SNX13: variants seen among roughly 807,000 people sequenced by gnomAD.
SNX13 encodes sorting nexin 13, also known as sorting nexin-13.
SNX13 carries 45 observed loss-of-function variants against 133.6 expected under a neutral mutation model. The observed-to-expected ratio is 0.34, with a 90% CI of 0.27 to 0.43. SNX13 has a LOEUF of 0.43. SNX13 is among the 20% of genes least tolerant of loss of function. The probability of loss-of-function intolerance (pLI) is 1.00; values close to 1 mark genes in which losing one functional copy is unlikely to be tolerated. For missense variants in SNX13, 1,032 were observed against 1,145.1 expected, an observed-to-expected ratio of 0.90 and a Z score of 1.43; for synonymous variants, 414 against 373.9, an observed-to-expected ratio of 1.11 and a Z score of -1.24.
intron 22 of SNX13, among the ~76,000 whole-genome samples, chr7:17,800,160 T>C (rs1171236508): frequency 1.3e-5 from 2 of 151,690 alleles, no homozygotes; most frequent in Non-Finnish European, 3.0e-5. Context: ...ATCTAATAAA[T>C]AGCTAAACTG....
At chr7:17,823,888 T>C (rs1014325733) in intron 17 of SNX13, among the ~76,000 whole-genome samples, 2 of 151,728 alleles carry the variant, frequency 1.3e-5, no homozygotes, top group South Asian at 2.1e-4. Flanking sequence ...GTAAGGAGAA[T>C]AGCAAGGAAC....
chr7:17,830,539 T>G, intron 15 of SNX13: 2 of 983,998 alleles, frequency 2.0e-6, no homozygotes, highest in Non-Finnish European at 2.4e-6. Context: ...TGGTGGTAGA[T>G]TATCTTGAAA....
At chr7:17,818,458 A>C (rs1786921342) in intron 18 of SNX13, among the ~76,000 whole-genome samples, 1 of 152,204 alleles carries the variant, frequency 6.6e-6, no homozygotes, top group Non-Finnish European at 1.5e-5. Context: ...AATCACTAAC[A>C]GTTTTCTCAA....
At chr7:17,863,207 C>A (rs952368614) in intron 9 of SNX13, among the ~76,000 whole-genome samples, 2 of 152,118 alleles carry the variant, frequency 1.3e-5, no homozygotes, top group Non-Finnish European at 2.9e-5. Flanking sequence ...CTTGCGCTGA[C>A]TGACATGGCC....
chr7:17,843,320 T>A (rs1790123678), intron 12 of SNX13, among the ~76,000 whole-genome samples: 1 of 151,988 alleles, frequency 6.6e-6, no homozygotes, highest in African/African-American at 2.4e-5. Flanking sequence ...AAATCAAAAA[T>A]GGTTAAGATG....
intron 12 of SNX13, among the ~76,000 whole-genome samples, chr7:17,841,923 G>T (rs559154377): frequency 3.3e-5 from 5 of 152,010 alleles, no homozygotes; most frequent in Admixed American, 6.6e-5. Flanking sequence ...ATCAGCAAAT[G>T]TAAGGATAGA....
intron 1 of SNX13, among the ~76,000 whole-genome samples, chr7:17,933,726 T>C (rs1425608265): frequency 6.7e-6 from 1 of 149,116 alleles, no homozygotes; most frequent in African/African-American, 2.5e-5. Flanking sequence ...CACCCACCTA[T>C]CCACCAAGAA....
chr7:17,800,768 A>G (rs1784524919), intron 22 of SNX13, among the ~76,000 whole-genome samples: 1 of 151,624 alleles, frequency 6.6e-6, no homozygotes, highest in African/African-American at 2.4e-5. Context: ...GTCTTGACAG[A>G]CGCATAAGAC....
At chr7:17,928,274 T>C (rs1030734627) in intron 1 of SNX13, among the ~76,000 whole-genome samples, 1 of 152,152 alleles carries the variant, frequency 6.6e-6, no homozygotes, top group Non-Finnish European at 1.5e-5. Flanking sequence ...GCAGGAAGGT[T>C]GCTTGGGCCC....
chr7:17,868,474 C>A lies in SNX13; in HGVS notation c.770G>T (p.Gly257Val). The A allele has an allele frequency of 6.2e-7, 1 of 1,607,242 alleles. No individual in the cohort carries two copies. Among genetic ancestry groups the A allele is most frequent in the South Asian group, 1.1e-5 (1 of 89,850 alleles). ...RYFVREILAR[G>V]ILLPLINQLS... ...TTGATTTATTAATGGAAGAAGAATT[C>A]CTCGTGCAAGGATTTCCTGAAAAAA... Residue 257 changes from glycine to valine, a missense_variant, in exon 9 of 26, where the codon GGA becomes GTA. Gly to Val is a moderately radical substitution (Grantham distance 109, BLOSUM62 -3). Transcript: ENST00000428135.
chr7:17,860,601 T>C (rs1792558387), intron 9 of SNX13, among the ~76,000 whole-genome samples: 1 of 152,232 alleles, frequency 6.6e-6, no homozygotes, highest in South Asian at 2.1e-4. Context: ...TTTTGTCATT[T>C]CAGATCTTTA....
intron 20 of SNX13, among the ~76,000 whole-genome samples, chr7:17,803,991 A>G (rs560739511): frequency 6.6e-6 from 1 of 151,960 alleles, no homozygotes; most frequent in Non-Finnish European, 1.5e-5. Context: ...CAGGAGTTCA[A>G]GGCTGCAGTG....
At chr7:17,851,860 C>G (rs1791252093) in intron 9 of SNX13, among the ~76,000 whole-genome samples, 2 of 152,010 alleles carry the variant, frequency 1.3e-5, no homozygotes. Flanking sequence ...GAAGACTACA[C>G]AGAAATACGC....
At chr7:17,884,416 T>C (rs534747878) in intron 5 of SNX13, among the ~76,000 whole-genome samples, 1 of 152,362 alleles carries the variant, frequency 6.6e-6, no homozygotes, top group South Asian at 2.1e-4. Flanking sequence ...AGTTAATTTA[T>C]TTGCCATTTT....
chr7:17,923,225 A>G (rs17138450), intron 1 of SNX13, among the ~76,000 whole-genome samples: 3,182 of 152,344 alleles, frequency 0.021, 122 homozygotes, highest in African/African-American at 0.071. Context: ...GCAAAACAAG[A>G]AAGTTGGTCC....
chr7:17,868,464 A>T lies in SNX13; in HGVS notation c.780T>A (p.Leu260=). The T allele has an allele frequency of 6.2e-7, 1 of 1,609,952 alleles. No individual in the cohort carries two copies. The highest frequency in any genetic ancestry group is 8.5e-7 in the Non-Finnish European group (1 of 1,178,066). Residue 260 remains leucine, a synonymous_variant, in exon 9 of 26, where the codon CTT becomes CTA. Coordinates refer to ENST00000428135, the MANE Select transcript of SNX13 (RefSeq NM_015132.5). ...VREILARGIL[L]PLINQLSDPD... is the part of the protein sequence containing the mutation. Reference sequence around the variant, plus strand: ...GATCACTGAGTTGATTTATTAATGGAAGAAGAATTCCTCGTGCAAGGATTT... The same window carrying T: ...GATCACTGAGTTGATTTATTAATGGTAGAAGAATTCCTCGTGCAAGGATTT...
At chr7:17,897,688 G>C (rs1797358033) in intron 1 of SNX13, among the ~76,000 whole-genome samples, 1 of 152,000 alleles carries the variant, frequency 6.6e-6, no homozygotes, top group African/African-American at 2.4e-5. Flanking sequence ...AAAAATCCTA[G>C]TGGCAATGCA....
chr7:17,831,343 G>C, intron 15 of SNX13: 5 of 872,436 alleles, frequency 5.7e-6, no homozygotes, highest in Non-Finnish European at 6.9e-6. Context: ...AATTCATATA[G>C]TTTTAAAAGC....
chr7:17,831,795 G>T, intron 15 of SNX13: 1 of 982,986 alleles, frequency 1.0e-6, no homozygotes, highest in African/African-American at 1.7e-5. Flanking sequence ...CAAAAAAAGT[G>T]GAAAGGCCTA....
Sources: allele counts gnomAD v4.1 joint callset (sites outside exome capture counted in the v4.1 genomes callset), GRCh38; gene constraint gnomAD v4.1.1; transcripts MANE v1.5; gene names NCBI Gene and HGNC (gene_info 2026-07-23, HGNC 2026-07-21).